NECAB1: variants seen among roughly 807,000 people sequenced by gnomAD.
NECAB1 encodes N-terminal EF-hand calcium-binding protein 1.
In NECAB1, 29 loss-of-function variants were observed where a neutral mutation model predicts 57.5. That is an observed-to-expected ratio of 0.50 (90% CI 0.38 to 0.69). NECAB1 has a LOEUF of 0.69. NECAB1 is among the 30% of genes least tolerant of loss of function. The pLI is 0.00. For missense variants in NECAB1, 372 were observed against 413.8 expected, an observed-to-expected ratio of 0.90 and a Z score of 0.88; for synonymous variants, 142 against 147.7, an observed-to-expected ratio of 0.96 and a Z score of 0.28.
rs565720954 is a variant in NECAB1, at chr8:90,904,739, T to C, written c.358-12753T>C. 6.2e-4 allele frequency among the ~76,000 whole-genome samples: 94 copies of C among 152,164 alleles called. 1 individual carries two copies. The highest frequency in any genetic ancestry group is 2.0e-3 in the African/African-American group (84 of 41,554). ...TTGTATATCTATAAACCAACAATAG[T>C]TAGAACATGTATAGAAACCTAATTT... On this transcript the variant is annotated intron_variant, in intron 5 of 12. Coordinates refer to ENST00000417640, the MANE Select transcript of NECAB1 (RefSeq NM_022351.5).
chr8:90,877,464 T>G (rs1207631471), intron 4 of NECAB1, among the ~76,000 whole-genome samples: 1 of 152,136 alleles, frequency 6.6e-6, no homozygotes, highest in Non-Finnish European at 1.5e-5. Flanking sequence ...ACCCAAAGAT[T>G]GTGATTTACT....
intron 8 of NECAB1, among the ~76,000 whole-genome samples, chr8:90,931,014 T>TATTTC (rs60038354): frequency 0.51 from 77,750 of 151,582 alleles, 22,871 homozygotes; most frequent in East Asian, 0.79. Context: ...GGCTCAAACT[T>TATTTC]ATGCCTTTTT....
At chr8:90,934,520 A>T (rs1810485744) in intron 9 of NECAB1, among the ~76,000 whole-genome samples, 163 bp downstream of exon 9, 1 of 152,114 alleles carries the variant, frequency 6.6e-6, no homozygotes, top group Non-Finnish European at 1.5e-5. Context: ...ATTTGTGTAA[A>T]CCTAATACCT....
At chr8:90,862,239 T>C (rs1586066751) in intron 3 of NECAB1, among the ~76,000 whole-genome samples, 1 of 152,124 alleles carries the variant, frequency 6.6e-6, no homozygotes, top group East Asian at 1.9e-4. Context: ...ATGAAACGGA[T>C]ATATGCATAA....
At chr8:90,934,633 C>T (rs544266378) in intron 9 of NECAB1, among the ~76,000 whole-genome samples, 2 of 152,154 alleles carry the variant, frequency 1.3e-5, no homozygotes, top group South Asian at 4.1e-4. Flanking sequence ...AGGAATATGA[C>T]TGGCAGAGAA....
At chr8:90,806,485 CTGT>C (rs1230581508) in intron 2 of NECAB1, 3 of 152,176 alleles carry the variant, frequency 2.0e-5, no homozygotes, top group Non-Finnish European at 1.5e-5. Context: ...TGTTATTTAT[CTGT>C]TGTTTATTAA....
chr8:90,850,667 G>C (rs544821924), intron 3 of NECAB1, among the ~76,000 whole-genome samples: 85 of 152,154 alleles, frequency 5.6e-4, no homozygotes, highest in Non-Finnish European at 1.0e-3. Context: ...GAAAACTAGG[G>C]GTTTGGTGCT....
intron 3 of NECAB1, among the ~76,000 whole-genome samples, chr8:90,834,017 G>A (rs1339042764): frequency 6.6e-6 from 1 of 151,884 alleles, no homozygotes; most frequent in East Asian, 1.9e-4. Flanking sequence ...ACAAAAATTA[G>A]CTAGGCATGG....
chr8:90,799,975 T>C (rs575099384), intron 1 of NECAB1, among the ~76,000 whole-genome samples: 2 of 152,348 alleles, frequency 1.3e-5, no homozygotes, highest in Non-Finnish European at 2.9e-5. Flanking sequence ...TCATCTATGA[T>C]TTCTTTCAGC....
At chr8:90,793,867 A>G (rs1811616585) in intron 1 of NECAB1, among the ~76,000 whole-genome samples, 1 of 152,226 alleles carries the variant, frequency 6.6e-6, no homozygotes, top group South Asian at 2.1e-4. Context: ...CCATTGCTTA[A>G]GTGTTCAACT....
chr8:90,803,897 T>A (rs2129649579), intron 2 of NECAB1, among the ~76,000 whole-genome samples: 1 of 152,302 alleles, frequency 6.6e-6, no homozygotes, highest in Non-Finnish European at 1.5e-5. Flanking sequence ...ACACCTTATC[T>A]GGGAAACCTC....
intron 6 of NECAB1, among the ~76,000 whole-genome samples, chr8:90,924,638 A>G (rs897972556): frequency 6.6e-6 from 1 of 152,184 alleles, no homozygotes; most frequent in Non-Finnish European, 1.5e-5. Context: ...ATAATAAACT[A>G]TTGCCAAGTT....
chr8:90,934,418 TC>T, intron 9 of NECAB1, 61 bp downstream of exon 9: 1 of 1,145,130 alleles, frequency 8.7e-7, no homozygotes, highest in Non-Finnish European at 1.2e-6. Context: ...TAATTTAATT[TC>T]TTCAAAAATT....
Position 90,917,624 on chromosome 8 carries a change from GA to G in NECAB1, c.493del (p.Arg165GlyfsTer44). 1 of 1,607,754 alleles carries G rather than the reference GA, an allele frequency of 6.2e-7. No individual in the cohort carries two copies. On this transcript the variant is annotated frameshift_variant, in exon 6 of 13. Transcript: ENST00000417640. LOFTEE classifies it high-confidence loss of function. ...AACTACTGAGGAGCAAACCCGTCAA[GA>G]AAGGCAATTTACATGTTTTCATCTG... is the stretch of plus-strand genomic sequence containing the variant. ...METTEEQTRQERQGPAKPEVL... is the reference protein window; with the variant it reads ...METTEEQTRQXRQGPAKPEVL...
At chr8:90,909,683 T>C (rs995424579) in intron 5 of NECAB1, among the ~76,000 whole-genome samples, 2 of 152,126 alleles carry the variant, frequency 1.3e-5, no homozygotes, top group African/African-American at 4.8e-5. Context: ...TATTTTGTTT[T>C]GTTTTTTACT....
At position 90,907,122 on chromosome 8, in the gene NECAB1, TTGTGTGTG is replaced by T. The variant is rs111590584; in HGVS notation, c.358-10347_358-10340del. Among the ~76,000 whole-genome samples, 823 of 129,736 alleles carry T rather than the reference TTGTGTGTG, an allele frequency of 6.3e-3. 13 individuals carry two copies. The highest frequency in any genetic ancestry group is 0.019 in the African/African-American group (591 of 31,744). The allele number at this position is 129,736 out of a possible 152,430, so 85.1% of individuals were successfully genotyped here. On this transcript the variant is annotated intron_variant, in intron 5 of 12. Coordinates refer to ENST00000417640, the MANE Select transcript of NECAB1 (RefSeq NM_022351.5). ...TTTACTTCTTATAATCCACCCAATT[TTGTGTGTG>T]TGTGTGTGTGTGTGTGTGTGTGAGA...
chr8:90,917,677 T>A lies in NECAB1; in HGVS notation c.494+49T>A, dbSNP rs201356730. The A allele has an allele frequency of 4.5e-4, 685 of 1,512,920 alleles. 3 individuals are homozygous for A. The highest frequency in any genetic ancestry group is 9.4e-5 in the Non-Finnish European group (106 of 1,126,184). 93.7% of individuals were successfully genotyped at this position (1,512,920 alleles called of 1,614,324 possible). A position where few individuals can be genotyped will look rare whatever the true frequency, so the allele number is the denominator to read the frequency against. On this transcript the variant is annotated intron_variant, in intron 6 of 12. Transcript: ENST00000417640. Reference sequence around the variant, plus strand: ...TGTCTATTTAGTGACTCTATGTTCATGAAAAAACAATTGAGAGGCATTGTA... The same window carrying A: ...TGTCTATTTAGTGACTCTATGTTCAAGAAAAAACAATTGAGAGGCATTGTA...
intron 2 of NECAB1, among the ~76,000 whole-genome samples, chr8:90,820,074 C>T (rs73692709): frequency 0.026 from 3,950 of 151,920 alleles, 176 homozygotes; most frequent in African/African-American, 0.09. Context: ...ATCAAAACTA[C>T]CATTAAAGGG....
At chr8:90,824,672 T>C in intron 2 of NECAB1, 45 bp from the exon 3 acceptor site, 2 of 1,285,448 alleles carry the variant, frequency 1.6e-6, no homozygotes, top group Non-Finnish European at 2.2e-6. Flanking sequence ...CAGAACAATG[T>C]ACAAAATTAA....
Sources: gnomAD v4.1 joint callset for allele counts (sites outside exome capture counted in the v4.1 genomes callset) on GRCh38, gnomAD v4.1.1 for gene constraint, MANE v1.5 for transcripts, NCBI Gene and HGNC (gene_info 2026-07-23, HGNC 2026-07-21) for gene names.